The following BCR variants were observed in gnomAD, a reference collection of about 807,000 sequenced individuals.
BCR encodes breakpoint cluster region protein.
BCR carries 58 observed loss-of-function variants against 138.6 expected under a neutral mutation model. The ratio of observed to expected loss-of-function variants is 0.42; its 90% CI spans 0.34 to 0.52. BCR has a LOEUF of 0.52. Among genes scored for constraint, BCR ranks in the 20% least tolerant of loss-of-function variants. The probability of loss-of-function intolerance (pLI) is 0.06; values close to 1 mark genes in which losing one functional copy is unlikely to be tolerated. For synonymous variants in BCR, 786 were observed against 730.1 expected (o/e 1.08, Z -1.23); for missense variants, 1,599 against 1,727.2 (o/e 0.93, Z 1.32).
chr22:23,314,736 C>A (rs903850041), intron 22 of BCR, 22 bp downstream of exon 22: 1 of 1,611,672 alleles, frequency 6.2e-7, no homozygotes, highest in Non-Finnish European at 8.5e-7. Context: ...CAGGCTCCAG[C>A]CCATGCAACC....
chr22:23,314,807 G>A (rs2074050306), intron 22 of BCR, 93 bp downstream of exon 22: 1 of 1,477,696 alleles, frequency 6.8e-7, no homozygotes. Flanking sequence ...CTTCTTACTT[G>A]CATTGTATGT....
intron 16 of BCR, among the ~76,000 whole-genome samples, chr22:23,307,127 G>A (rs924792945): frequency 5.9e-5 from 9 of 152,170 alleles, no homozygotes; most frequent in Admixed American, 2.0e-4. Context: ...AGGGTCTCTC[G>A]CTTTGTTGCG....
At chr22:23,232,029 A>T (rs1388334011) in intron 1 of BCR, among the ~76,000 whole-genome samples, 1 of 152,178 alleles carries the variant, frequency 6.6e-6, no homozygotes, top group Non-Finnish European at 1.5e-5. Context: ...CTCCCAGCCC[A>T]GGGGCTTGCT....
chr22:23,303,091 C>T (rs148096149), intron 16 of BCR, among the ~76,000 whole-genome samples: 1 of 151,826 alleles, frequency 6.6e-6, no homozygotes, highest in East Asian at 1.9e-4. Context: ...ATTTCTAGTG[C>T]ATGTAACAGT....
At chr22:23,217,466 A>G (rs1003865423) in intron 1 of BCR, among the ~76,000 whole-genome samples, 3 of 152,194 alleles carry the variant, frequency 2.0e-5, no homozygotes, top group African/African-American at 7.2e-5. Flanking sequence ...CCTTGGGTTC[A>G]ACATGAATTG....
intron 1 of BCR, among the ~76,000 whole-genome samples, chr22:23,214,630 C>T (rs535532798): frequency 6.6e-6 from 1 of 152,310 alleles, no homozygotes; most frequent in African/African-American, 2.4e-5. Flanking sequence ...CTGTGGGGAT[C>T]GGCTCCCTGT....
chr22:23,291,310 T>C (rs2146308156), intron 14 of BCR, among the ~76,000 whole-genome samples: 1 of 151,832 alleles, frequency 6.6e-6, no homozygotes, highest in East Asian at 1.9e-4. Flanking sequence ...TAACTGCAGA[T>C]GAACCCAAGG....
chr22:23,236,726 C>T (rs1327324013), intron 1 of BCR, among the ~76,000 whole-genome samples: 3 of 152,214 alleles, frequency 2.0e-5, no homozygotes, highest in Non-Finnish European at 4.4e-5. Context: ...CTGTTGCTCT[C>T]CTTGGCAGGT....
chr22:23,212,562 G>A (rs752709901), intron 1 of BCR, among the ~76,000 whole-genome samples: 12 of 152,222 alleles, frequency 7.9e-5, no homozygotes, highest in Non-Finnish European at 1.3e-4. Context: ...TGTGGGGCCT[G>A]GGGCAGCCTC....
At chr22:23,246,759 G>A (rs1222584473) in intron 1 of BCR, among the ~76,000 whole-genome samples, 1 of 152,182 alleles carries the variant, frequency 6.6e-6, no homozygotes, top group African/African-American at 2.4e-5. Flanking sequence ...CCCGTAAAGG[G>A]TGGTGGGTTT....
At position 23,284,986 on chromosome 22, in the gene BCR, T is replaced by C. The variant is rs202189700; in HGVS notation, c.2238-47T>C. On this transcript the variant is annotated intron_variant, in intron 9 of 22. Coordinates refer to ENST00000305877, the MANE Select transcript of BCR (RefSeq NM_004327.4). ...CTCTTGACAGCAGTGACATCAGCCA[T>C]AGAAGGCAGTCGGTGCATGTGAACG... The C allele has an allele frequency of 5.6e-5, 89 of 1,586,370 alleles. No homozygotes were observed. The East Asian group carries it at 7.4e-4, about 13-fold the overall frequency.
chr22:23,283,961 T>C lies in BCR; in HGVS notation c.2116-16T>C. On this transcript the variant is annotated splice_polypyrimidine_tract_variant and intron_variant, in intron 8 of 22. Coordinates refer to ENST00000305877, the MANE Select transcript of BCR (RefSeq NM_004327.4). ...CCCCAGGCTGGCCCTGACCCCAGCC[T>C]TCCCTGTGCCTGCAGCACCGGCAGC... 1 of 1,582,216 alleles carries C rather than the reference T, an allele frequency of 6.3e-7. No individual in the cohort carries two copies. Among genetic ancestry groups the C allele is most frequent in the South Asian group, 1.2e-5 (1 of 86,792 alleles).
At chr22:23,312,560 C>A (rs28394603) in intron 19 of BCR, 72,714 of 267,456 alleles carry the variant, frequency 0.27, 9,159 homozygotes, top group Non-Finnish European at 0.29. Context: ...TGCTATCAGA[C>A]GACACTGGTG....
intron 1 of BCR, among the ~76,000 whole-genome samples, chr22:23,214,547 T>C (rs1953961988): frequency 6.6e-6 from 1 of 152,206 alleles, no homozygotes; most frequent in Non-Finnish European, 1.5e-5. Flanking sequence ...TCGGACTGTC[T>C]CTCTGCTCAG....
chr22:23,305,770 A>G (rs1350541848), intron 16 of BCR, among the ~76,000 whole-genome samples: 1 of 152,142 alleles, frequency 6.6e-6, no homozygotes, highest in Non-Finnish European at 1.5e-5. Flanking sequence ...AGACCACTGC[A>G]TGTGAGCAGA....
chr22:23,189,620 C>A (rs1018743081), intron 1 of BCR, among the ~76,000 whole-genome samples: 11 of 152,208 alleles, frequency 7.2e-5, no homozygotes, highest in African/African-American at 2.7e-4. Context: ...CCTGCCTCAG[C>A]CACCCAAGTA....
chr22:23,253,991 A>G lies in BCR; in HGVS notation c.1461+11A>G, dbSNP rs2073264227. 1 of 1,607,078 alleles carries G rather than the reference A, an allele frequency of 6.2e-7. No homozygotes were observed. On this transcript the variant is annotated intron_variant, in intron 2 of 22. Transcript: ENST00000305877. ...GAGTCCACTAAAGCGGTGAGTCCCC[A>G]TGGTGTACGTGTGGCAGGAGGGCCA...
chr22:23,229,760 A>G (rs2072933475), intron 1 of BCR, among the ~76,000 whole-genome samples: 1 of 152,010 alleles, frequency 6.6e-6, no homozygotes, highest in South Asian at 2.1e-4. Context: ...CTACTTCCCC[A>G]TGTCCCCCCT....
At chr22:23,184,040 C>T (rs1389997269) in intron 1 of BCR, among the ~76,000 whole-genome samples, 1 of 152,194 alleles carries the variant, frequency 6.6e-6, no homozygotes, top group African/African-American at 2.4e-5. Context: ...CTCAAGGTCC[C>T]ACAGTCTCTT....
Sources: allele counts gnomAD v4.1 joint callset (sites outside exome capture counted in the v4.1 genomes callset), GRCh38; gene constraint gnomAD v4.1.1; transcripts MANE v1.5; gene names NCBI Gene and HGNC (gene_info 2026-07-23, HGNC 2026-07-21).